Variants in ERG observed in about 807,000 individuals in gnomAD.
The protein encoded by ERG is transcriptional regulator ERG.
Under a neutral mutation model 55.3 loss-of-function variants are expected in ERG, and 9 were observed. The observed-to-expected ratio is 0.16, with a 90% CI of 0.10 to 0.28. The LOEUF is 0.28. ERG is among the 10% of genes least tolerant of loss of function. ERG has a pLI of 1.00. For missense variants in ERG, 434 were observed against 631.6 expected, an observed-to-expected ratio of 0.69 and a Z score of 3.35; for synonymous variants, 223 against 237.3, an observed-to-expected ratio of 0.94 and a Z score of 0.55.
intron 1 of ERG, among the ~76,000 whole-genome samples, chr21:38,481,280 A>C (rs982495085): frequency 6.6e-6 from 1 of 152,232 alleles, no homozygotes; most frequent in Non-Finnish European, 1.5e-5. Context: ...TCAGGGAAAG[A>C]TTTCAATATG....
intron 2 of ERG, among the ~76,000 whole-genome samples, chr21:38,536,823 G>A (rs371675663): frequency 4.6e-5 from 7 of 152,180 alleles, no homozygotes; most frequent in East Asian, 1.9e-4. Context: ...TTAAGTCTTC[G>A]CATAACCAAA....
At chr21:38,545,660 C>G (rs1282344942) in intron 2 of ERG, among the ~76,000 whole-genome samples, 1 of 152,234 alleles carries the variant, frequency 6.6e-6, no homozygotes, top group Non-Finnish European at 1.5e-5. Context: ...CTACAATTCT[C>G]AGACACAACG....
chr21:38,516,781 G>C (rs2059555314), intron 2 of ERG, among the ~76,000 whole-genome samples: 2 of 151,972 alleles, frequency 1.3e-5, no homozygotes, highest in South Asian at 4.1e-4. Flanking sequence ...TAGACCAATG[G>C]AACAGAATTG....
chr21:38,439,578 C>T (rs768138712), intron 2 of ERG, among the ~76,000 whole-genome samples: 11 of 152,170 alleles, frequency 7.2e-5, no homozygotes, highest in Non-Finnish European at 1.2e-4. Context: ...GGCTGTGGAC[C>T]ACCGAAGCTG....
chr21:38,614,270 G>A (rs1411987484), intron 1 of ERG, among the ~76,000 whole-genome samples: 6 of 152,308 alleles, frequency 3.9e-5, no homozygotes, highest in Non-Finnish European at 7.3e-5. Flanking sequence ...TAGCATTAAT[G>A]TCTAGTCAAT....
At chr21:38,396,889 G>A (rs751587026) in intron 6 of ERG, among the ~76,000 whole-genome samples, 13 of 151,966 alleles carry the variant, frequency 8.6e-5, no homozygotes, top group Non-Finnish European at 1.3e-4. Flanking sequence ...TGAGAAACAC[G>A]TGAAACATCA....
rs550227822 is a variant in ERG at position 38,466,640 on chromosome 21, G to A, written c.19-21019C>T. Among the ~76,000 whole-genome samples, 7 of 152,188 alleles carry A rather than the reference G, an allele frequency of 4.6e-5. No homozygotes were observed. The East Asian group carries it at 9.7e-4, about 21-fold the overall frequency. ...GTCTGGGAAATTATTCTTATGGATGGTCAGTTCTTCATATGATAAAATAGT... is the reference window on the plus strand; with the variant it reads ...GTCTGGGAAATTATTCTTATGGATGATCAGTTCTTCATATGATAAAATAGT... On this transcript the variant is annotated intron_variant, in intron 1 of 9. Coordinates refer to ENST00000288319, the MANE Select transcript of ERG (RefSeq NM_182918.4).
chr21:38,400,878 GT>G lies in ERG; in HGVS notation c.674-234del, dbSNP rs148146136. Among the ~76,000 whole-genome samples, 1,457 of 152,252 alleles carry G rather than the reference GT, an allele frequency of 9.6e-3. 19 individuals carry two copies. Among genetic ancestry groups the G allele is most frequent in the African/African-American group, 0.033 (1,360 of 41,528 alleles). ...CCCCGTTTGCTATAAAGCGTTTTGT[GT>G]TTTGATTTTATAACTTCTTGATGAA... On this transcript the variant is annotated intron_variant, in intron 5 of 9. Transcript: ENST00000288319.
At chr21:38,522,742 A>G (rs1452797425) in intron 2 of ERG, among the ~76,000 whole-genome samples, 1 of 152,222 alleles carries the variant, frequency 6.6e-6, no homozygotes, top group African/African-American at 2.4e-5. Flanking sequence ...TGTCTCATAA[A>G]TCAATTTCAG....
chr21:38,657,244 TTCTCCTGAACA>T (rs1409157027), intron 1 of ERG, among the ~76,000 whole-genome samples: 3 of 152,210 alleles, frequency 2.0e-5, no homozygotes, highest in Non-Finnish European at 4.4e-5. Flanking sequence ...CCTTTGCACA[TTCTCCTGAACA>T]CGCACTGAGT....
At chr21:38,626,561 A>C (rs1035874743) in intron 1 of ERG, among the ~76,000 whole-genome samples, 2 of 152,226 alleles carry the variant, frequency 1.3e-5, no homozygotes, top group Non-Finnish European at 1.5e-5. Flanking sequence ...TTTTAAGGTC[A>C]GTTTGTCAAG....
At chr21:38,612,733 G>A (rs945979628) in intron 1 of ERG, among the ~76,000 whole-genome samples, 4 of 149,160 alleles carry the variant, frequency 2.7e-5, no homozygotes, top group East Asian at 2.0e-4. Flanking sequence ...GTGCAATCTC[G>A]GCTCACTGCA....
At chr21:38,537,654 C>G (rs2059721294) in intron 2 of ERG, among the ~76,000 whole-genome samples, 1 of 151,964 alleles carries the variant, frequency 6.6e-6, no homozygotes, top group Admixed American at 6.6e-5. Context: ...TGACTATTAC[C>G]AAAAAATCAG....
intron 1 of ERG, among the ~76,000 whole-genome samples, chr21:38,461,230 G>T (rs2059039746): frequency 6.6e-6 from 1 of 152,078 alleles, no homozygotes; most frequent in Non-Finnish European, 1.5e-5. Context: ...GCTTGTGGAT[G>T]GTCATCTTCT....
Position 38,380,930 on chromosome 21 carries a change from A to G in ERG, c.*2473T>C. ...GTGTGTCTTGACTTTGCATTCCAAA[A>G]TAAAAATGACTGATCTTTTCCATTA... On this transcript the variant is annotated 3_prime_UTR_variant, in exon 10 of 10. Transcript: ENST00000288319. 5.6e-6 allele frequency: 6 copies of G among 1,065,446 alleles called. No homozygotes were observed. Among genetic ancestry groups the G allele is most frequent in the Non-Finnish European group, 6.8e-6 (6 of 879,330 alleles). The allele number at this position is 1,065,446 out of a possible 1,614,324, so 66.0% of individuals were successfully genotyped here.
chr21:38,579,543 G>C (rs1165777203), intron 1 of ERG, among the ~76,000 whole-genome samples: 1 of 152,174 alleles, frequency 6.6e-6, no homozygotes, highest in Non-Finnish European at 1.5e-5. Flanking sequence ...AAGGAGCCTT[G>C]ATGAACAAGA....
chr21:38,537,653 C>CA (rs2059721270), intron 2 of ERG, among the ~76,000 whole-genome samples: 1 of 151,898 alleles, frequency 6.6e-6, no homozygotes, highest in African/African-American at 2.4e-5. Flanking sequence ...ATGACTATTA[C>CA]CAAAAAATCA....
intron 1 of ERG, among the ~76,000 whole-genome samples, chr21:38,610,368 C>T (rs1403058101): frequency 6.6e-6 from 1 of 152,232 alleles, no homozygotes; most frequent in Non-Finnish European, 1.5e-5. Context: ...GCCATGCGGG[C>T]TTCTATGCAA....
intron 1 of ERG, among the ~76,000 whole-genome samples, chr21:38,583,933 T>C (rs1345853682): frequency 2.0e-5 from 3 of 152,216 alleles, no homozygotes; most frequent in Non-Finnish European, 2.9e-5. Flanking sequence ...ACCCAGTTCA[T>C]GGCAGTTTGT....
Sources: gnomAD v4.1 joint callset for allele counts (sites outside exome capture counted in the v4.1 genomes callset) on GRCh38, gnomAD v4.1.1 for gene constraint, MANE v1.5 for transcripts, NCBI Gene and HGNC (gene_info 2026-07-23, HGNC 2026-07-21) for gene names.